The following PTPRZ1 variants were observed in gnomAD, a reference collection of about 807,000 sequenced individuals.
PTPRZ1 encodes the protein receptor-type tyrosine-protein phosphatase zeta.
A neutral mutation model predicts 214.1 loss-of-function variants in PTPRZ1; 82 were observed. That is an observed-to-expected ratio of 0.38 (90% confidence interval 0.32 to 0.46). The LOEUF (loss-of-function observed/expected upper bound fraction) is 0.46, where lower values mean the gene tolerates loss of function less well. Ranked by LOEUF, PTPRZ1 falls within the 20% of genes least tolerant of loss-of-function variation. The probability of loss-of-function intolerance (pLI) is 1.00; values close to 1 mark genes in which losing one functional copy is unlikely to be tolerated. For synonymous variants in PTPRZ1, 945 were observed against 987.9 expected, an observed-to-expected ratio of 0.96 and a Z score of 0.81; for missense variants, 2,603 against 2,748.7, an observed-to-expected ratio of 0.95 and a Z score of 1.19.
chr7:122,041,899 A>G (rs1799743701), intron 21 of PTPRZ1, among the ~76,000 whole-genome samples: 1 of 152,218 alleles, frequency 6.6e-6, no homozygotes, highest in African/African-American at 2.4e-5. Context: ...AATAGTGCTG[A>G]AGGTCAGGGA....
chr7:121,873,689 C>A lies in PTPRZ1; in HGVS notation c.58+132C>A, dbSNP rs368451054. 1.9e-5 allele frequency: 22 copies of A among 1,146,188 alleles called. No individual in the cohort carries two copies. The East Asian group carries it at 4.5e-4, about 23-fold the overall frequency. The allele number at this position is 1,146,188 out of a possible 1,614,324, so 71.0% of individuals were successfully genotyped here. ...GAGGAAAAAGGGACAGCCAACTGGGCTCCCACGGAGCGGGCGGCCGCGCGG... is the reference window on the plus strand; with the variant it reads ...GAGGAAAAAGGGACAGCCAACTGGGATCCCACGGAGCGGGCGGCCGCGCGG... On this transcript the variant is annotated intron_variant, in intron 1 of 29. Transcript: ENST00000393386.
intron 14 of PTPRZ1, among the ~76,000 whole-genome samples, chr7:122,029,223 A>G (rs1279411197): frequency 7.2e-5 from 11 of 151,978 alleles, no homozygotes; most frequent in Admixed American, 3.9e-4. Context: ...GAACAGTTGA[A>G]TATTTGGGAA....
At chr7:122,009,457 T>A (rs1562858745) in intron 11 of PTPRZ1, among the ~76,000 whole-genome samples, 6 of 142,028 alleles carry the variant, frequency 4.2e-5, no homozygotes, top group Non-Finnish European at 4.6e-5. Flanking sequence ...CCACATGAAC[T>A]AAAAAAAAAA....
Position 121,983,995 on chromosome 7 carries a change from T to A in PTPRZ1, c.806T>A (p.Met269Lys). 1 of 1,613,170 alleles carries A rather than the reference T, an allele frequency of 6.2e-7. No homozygotes were observed. ...GCTGTTTTTTGTGAAGTTCTTACAA[T>A]GCAACAATCTGGTTATGTCATGCTG... is the stretch of plus-strand genomic sequence containing the variant. ...QLAVFCEVLT[M>K]QQSGYVMLMD... The change falls in exon 8 of 30, where the codon ATG (methionine) becomes AAG (lysine). Residue 269 changes from methionine (M) to lysine (K), a missense_variant. By Grantham distance (95) the Met-to-Lys change is moderately conservative (BLOSUM62 -1). Coordinates refer to ENST00000393386, the MANE Select transcript of PTPRZ1 (RefSeq NM_002851.3).
intron 15 of PTPRZ1, among the ~76,000 whole-genome samples, chr7:122,033,690 A>G (rs1279943169): frequency 6.6e-6 from 1 of 152,076 alleles, no homozygotes; most frequent in East Asian, 1.9e-4. Context: ...CCCCCAAAAA[A>G]TAAAAACAAA....
At chr7:121,982,816 C>T (rs1211884667) in intron 6 of PTPRZ1, among the ~76,000 whole-genome samples, 2 of 152,060 alleles carry the variant, frequency 1.3e-5, no homozygotes, top group Non-Finnish European at 2.9e-5. Context: ...CTCTGTCACC[C>T]AGGCTGGAGT....
At chr7:121,929,363 A>G (rs1022834194) in intron 2 of PTPRZ1, among the ~76,000 whole-genome samples, 1 of 151,972 alleles carries the variant, frequency 6.6e-6, no homozygotes, top group Non-Finnish European at 1.5e-5. Context: ...CCATTGAATA[A>G]TTTTTTTATT....
At chr7:121,930,943 A>G (rs933573011) in intron 2 of PTPRZ1, among the ~76,000 whole-genome samples, 10 of 152,164 alleles carry the variant, frequency 6.6e-5, no homozygotes, top group African/African-American at 2.4e-4. Context: ...TGACATTACA[A>G]GGTGAAATCC....
intron 1 of PTPRZ1, among the ~76,000 whole-genome samples, chr7:121,876,721 C>T (rs936873928): frequency 6.6e-6 from 1 of 152,128 alleles, no homozygotes; most frequent in African/African-American, 2.4e-5. Flanking sequence ...TTTCATTTCT[C>T]TCTCCTTTTT....
chr7:121,979,426 AGACT>A (rs1797537516), intron 6 of PTPRZ1, among the ~76,000 whole-genome samples: 1 of 152,222 alleles, frequency 6.6e-6, no homozygotes, highest in Non-Finnish European at 1.5e-5. Context: ...AATTCTCATC[AGACT>A]GATTTATAGT....
intron 29 of PTPRZ1, 59 bp downstream of exon 29, chr7:122,059,947 A>G (rs1048822056): frequency 6.6e-7 from 1 of 1,514,808 alleles, no homozygotes; most frequent in African/African-American, 1.4e-5. Flanking sequence ...AACTTCCTAG[A>G]GGCTGCTGAA....
intron 1 of PTPRZ1, among the ~76,000 whole-genome samples, chr7:121,901,217 A>G (rs1794947517): frequency 6.6e-6 from 1 of 152,152 alleles, no homozygotes; most frequent in Non-Finnish European, 1.5e-5. Context: ...TCAAGCAAAA[A>G]CATTATGCAT....
At chr7:121,926,034 G>C (rs1177551068) in intron 1 of PTPRZ1, among the ~76,000 whole-genome samples, 3 of 152,212 alleles carry the variant, frequency 2.0e-5, no homozygotes, top group Non-Finnish European at 4.4e-5. Flanking sequence ...GCCGGGCACA[G>C]TGGCTCACGC....
intron 6 of PTPRZ1, 63 bp from the exon 7 acceptor site, chr7:121,983,602 A>G: frequency 7.1e-7 from 1 of 1,413,092 alleles, no homozygotes; most frequent in East Asian, 2.3e-5. Flanking sequence ...GTTTCATAGA[A>G]GTTTTGAACA....
chr7:121,895,811 G>A (rs1463237730), intron 1 of PTPRZ1, among the ~76,000 whole-genome samples: 1 of 152,200 alleles, frequency 6.6e-6, no homozygotes, highest in Non-Finnish European at 1.5e-5. Context: ...ATATTAGGCA[G>A]TTCTCAAAGA....
At chr7:121,963,583 T>C (rs1721858) in intron 2 of PTPRZ1, among the ~76,000 whole-genome samples, 85,364 of 151,904 alleles carry the variant, frequency 0.56, 24,464 homozygotes, top group African/African-American at 0.66. Flanking sequence ...TGTTGCATGT[T>C]TCATTAGCAT....
intron 13 of PTPRZ1, among the ~76,000 whole-genome samples, chr7:122,020,620 T>C (rs1485185803): frequency 1.3e-5 from 2 of 152,198 alleles, no homozygotes; most frequent in South Asian, 2.1e-4. Context: ...TAGTTGGACA[T>C]TGGTTGGCTA....
intron 8 of PTPRZ1, among the ~76,000 whole-genome samples, chr7:121,989,253 A>G (rs181118350): frequency 2.8e-4 from 42 of 152,338 alleles, no homozygotes; most frequent in Admixed American, 2.7e-3. Context: ...GATTAGACCC[A>G]CAGAAATTAG....
intron 2 of PTPRZ1, among the ~76,000 whole-genome samples, chr7:121,951,736 T>C (rs1286658339): frequency 6.6e-6 from 1 of 152,196 alleles, no homozygotes; most frequent in Admixed American, 6.5e-5. Context: ...TTTCTGTGAC[T>C]TCTCAGGGGT....
Sources: allele counts gnomAD v4.1 joint callset (sites outside exome capture counted in the v4.1 genomes callset), GRCh38; gene constraint gnomAD v4.1.1; transcripts MANE v1.5; gene names NCBI Gene and HGNC (gene_info 2026-07-23, HGNC 2026-07-21).